KIAA1328: variants seen among roughly 807,000 people sequenced by gnomAD.
KIAA1328 encodes the protein protein hinderin.
KIAA1328 carries 52 observed loss-of-function variants against 68.1 expected under a neutral mutation model. That is an observed-to-expected ratio of 0.76 (90% CI 0.61 to 0.96). The LOEUF (loss-of-function observed/expected upper bound fraction) is 0.96, where lower values mean the gene tolerates loss of function less well. KIAA1328 is among the 40% of genes least tolerant of loss of function. The pLI, the probability that KIAA1328 is intolerant of heterozygous loss-of-function variation, is 0.00. For missense variants in KIAA1328, 641 were observed against 677.6 expected (o/e 0.95, Z 0.60); for synonymous variants, 232 against 239.4 (o/e 0.97, Z 0.28).
chr18:37,094,449 T>A (rs323319), intron 7 of KIAA1328, among the ~76,000 whole-genome samples: 61,415 of 151,904 alleles, frequency 0.4, 14,257 homozygotes, highest in African/African-American at 0.64. Flanking sequence ...AGACAGCCAA[T>A]AACTGAGGGA....
intron 7 of KIAA1328, among the ~76,000 whole-genome samples, chr18:37,118,008 CT>C (rs112710292): frequency 9.4e-4 from 133 of 141,602 alleles, no homozygotes; most frequent in Middle Eastern, 3.6e-3. Context: ...TGCTTTCTTT[CT>C]TTTTTTTTTT....
intron 5 of KIAA1328, among the ~76,000 whole-genome samples, chr18:36,892,738 C>A (rs553696496): frequency 6.6e-5 from 10 of 152,240 alleles, no homozygotes; most frequent in Non-Finnish European, 2.9e-5. Flanking sequence ...CATTTTATAT[C>A]AGACTAACAG....
intron 5 of KIAA1328, among the ~76,000 whole-genome samples, chr18:36,892,033 A>G (rs2151003042): frequency 6.6e-6 from 1 of 152,338 alleles, no homozygotes; most frequent in Non-Finnish European, 1.5e-5. Context: ...CGTTGCAAAT[A>G]ACAGTAATAC....
At chr18:37,065,906 A>G (rs755334217) in intron 6 of KIAA1328, among the ~76,000 whole-genome samples, 2 of 152,198 alleles carry the variant, frequency 1.3e-5, no homozygotes, top group African/African-American at 2.4e-5. Context: ...TGAGCTAAGT[A>G]TAACAACTCA....
chr18:36,987,517 A>T (rs888018313), intron 6 of KIAA1328, among the ~76,000 whole-genome samples: 16 of 150,772 alleles, frequency 1.1e-4, no homozygotes, highest in African/African-American at 2.9e-4. Flanking sequence ...TAAAAATAAA[A>T]AAATAAAAAT....
intron 7 of KIAA1328, among the ~76,000 whole-genome samples, chr18:37,070,421 C>T (rs1295255137): frequency 2.0e-5 from 3 of 152,084 alleles, no homozygotes; most frequent in African/African-American, 7.2e-5. Context: ...TCTCCAAGTA[C>T]AATTGTGATA....
At chr18:37,213,689 G>T (rs1030203231) in intron 9 of KIAA1328, among the ~76,000 whole-genome samples, 2 of 152,124 alleles carry the variant, frequency 1.3e-5, no homozygotes, top group African/African-American at 2.4e-5. Context: ...GGGTCAAATG[G>T]TATTTCTAGT....
chr18:37,082,642 A>G (rs989996859), intron 7 of KIAA1328, among the ~76,000 whole-genome samples: 5 of 152,344 alleles, frequency 3.3e-5, no homozygotes, highest in African/African-American at 9.6e-5. Context: ...CGAGCTTGTC[A>G]TTTTAGAATA....
intron 7 of KIAA1328, among the ~76,000 whole-genome samples, chr18:37,100,401 G>C (rs1202518485): frequency 6.6e-6 from 1 of 152,210 alleles, no homozygotes; most frequent in East Asian, 1.9e-4. Context: ...AGGGTCCTAT[G>C]CCCACAGAGC....
rs188697654 is a variant in KIAA1328 at position 36,906,161 on chromosome 18, G to C, written c.448+20489G>C. Among the ~76,000 whole-genome samples, 67 of 152,164 alleles carry C rather than the reference G, an allele frequency of 4.4e-4. 1 individual carries two copies. Among genetic ancestry groups the C allele is most frequent in the African/African-American group, 1.5e-3 (61 of 41,530 alleles). On this transcript the variant is annotated intron_variant, in intron 5 of 9. Coordinates refer to ENST00000280020, the MANE Select transcript of KIAA1328 (RefSeq NM_020776.3). ...ACATACATTTGTAATATAGCTAGTA[G>C]TTTGTATTCCACCTTAGAATCCTCC... is the stretch of plus-strand genomic sequence containing the variant.
At chr18:37,077,374 C>T (rs1188079751) in intron 7 of KIAA1328, among the ~76,000 whole-genome samples, 1 of 146,864 alleles carries the variant, frequency 6.8e-6, no homozygotes, top group African/African-American at 2.7e-5. Flanking sequence ...ACAGCCAATA[C>T]CATACTGAAT....
intron 5 of KIAA1328, among the ~76,000 whole-genome samples, chr18:36,912,233 A>C (rs2049482040): frequency 6.6e-6 from 1 of 152,152 alleles, no homozygotes; most frequent in African/African-American, 2.4e-5. Context: ...CAGAAATCCA[A>C]AATCAATCTC....
chr18:37,213,320 C>T (rs1478225450), intron 9 of KIAA1328, among the ~76,000 whole-genome samples: 1 of 152,064 alleles, frequency 6.6e-6, no homozygotes, highest in Non-Finnish European at 1.5e-5. Flanking sequence ...CACAACAGGC[C>T]CGAGTGTGTG....
At chr18:36,926,472 G>A (rs560995917) in intron 5 of KIAA1328, among the ~76,000 whole-genome samples, 1 of 151,856 alleles carries the variant, frequency 6.6e-6, no homozygotes, top group African/African-American at 2.4e-5. Context: ...TCGTATCAGG[G>A]TCACATGATA....
chr18:37,130,960 G>T lies in KIAA1328; in HGVS notation c.1233-29240G>T, dbSNP rs967711728. Among the ~76,000 whole-genome samples the T allele has an allele frequency of 8.6e-5, 13 of 151,908 alleles. No individual in the cohort carries two copies. In the South Asian group the frequency reaches 2.5e-3, roughly 29 times the overall value. On this transcript the variant is annotated intron_variant, in intron 7 of 9. Coordinates refer to ENST00000280020, the MANE Select transcript of KIAA1328 (RefSeq NM_020776.3). Reference sequence around the variant, plus strand: ...GTCATAACCCCAGTATCATTTTATTGGGTAATTAATAATATGAATTATATA... The same window carrying T: ...GTCATAACCCCAGTATCATTTTATTTGGTAATTAATAATATGAATTATATA...
intron 1 of KIAA1328, among the ~76,000 whole-genome samples, chr18:36,831,227 G>T (rs2046480538): frequency 6.6e-6 from 1 of 152,152 alleles, no homozygotes; most frequent in African/African-American, 2.4e-5. Context: ...AACATTTAGA[G>T]AAATGTGATG....
chr18:37,112,253 T>G (rs1052343004), intron 7 of KIAA1328, among the ~76,000 whole-genome samples: 2 of 152,178 alleles, frequency 1.3e-5, no homozygotes, highest in Admixed American at 6.5e-5. Flanking sequence ...CCGAGTAGCC[T>G]AACTGGGAGA....
At chr18:37,079,857 A>G (rs2056887826) in intron 7 of KIAA1328, among the ~76,000 whole-genome samples, 1 of 149,780 alleles carries the variant, frequency 6.7e-6, no homozygotes, top group Non-Finnish European at 1.5e-5. Flanking sequence ...ACTGCACTCT[A>G]GCCTCGGTGA....
At chr18:36,869,029 A>G (rs2047852726) in intron 4 of KIAA1328, among the ~76,000 whole-genome samples, 1 of 148,060 alleles carries the variant, frequency 6.8e-6, no homozygotes, top group Admixed American at 6.8e-5. Flanking sequence ...TTTTTCAGTG[A>G]CTCAGGTTTT....
Sources: gnomAD v4.1 joint callset for allele counts (sites outside exome capture counted in the v4.1 genomes callset) on GRCh38, gnomAD v4.1.1 for gene constraint, MANE v1.5 for transcripts, NCBI Gene and HGNC (gene_info 2026-07-23, HGNC 2026-07-21) for gene names.